The following NAGK variants were observed in gnomAD, a reference collection of about 807,000 sequenced individuals.
NAGK encodes N-acetylglucosamine kinase.
NAGK carries 35 observed loss-of-function variants against 42.9 expected under a neutral mutation model. The ratio of observed to expected loss-of-function variants is 0.82; its 90% confidence interval spans 0.62 to 1.08. The LOEUF is 1.08. Ranked by LOEUF, NAGK falls within the 50% of genes least tolerant of loss-of-function variation. The pLI is 0.00. For missense variants in NAGK, 446 were observed against 446.0 expected (o/e 1.00, Z 0.00); for synonymous variants, 172 against 176.0 (o/e 0.98, Z 0.18).
Position 71,079,195 on chromosome 2 carries a change from T to C in NAGK, c.*687T>C, listed in dbSNP as rs1227713162. On this transcript the variant is annotated 3_prime_UTR_variant, in exon 10 of 10. Transcript: ENST00000244204. ...CCTCGGTAGCTGACCTATTCCTGGC[T>C]ACTACTAGCCTGGCTCTGCTTACAG... 3 of 152,288 alleles carry C rather than the reference T, an allele frequency of 2.0e-5. No individual in the cohort carries two copies. The highest frequency in any genetic ancestry group is 7.2e-5 in the African/African-American group (3 of 41,460). The allele number at this position is 152,288 out of a possible 1,614,324, so 9.4% of individuals were successfully genotyped here.
At chr2:71,076,824 T>G (rs1035909212) in intron 8 of NAGK, 123 bp downstream of exon 8, 14 of 816,630 alleles carry the variant, frequency 1.7e-5, no homozygotes, top group Non-Finnish European at 2.7e-5. Flanking sequence ...GAACTTAGGG[T>G]CTAAGAAGCA....
chr2:71,073,468 T>C lies in NAGK; in HGVS notation c.467-14T>C. On this transcript the variant is annotated splice_polypyrimidine_tract_variant and intron_variant, in intron 5 of 9. Transcript: ENST00000244204. ...GACTGCTCCCATCTTCTTAGCCCTC[T>C]CTGCTCCCTGCAGCCTACTGGATCG... 6.3e-7 allele frequency: 1 copy of C among 1,595,058 alleles called. No homozygotes were observed. The highest frequency in any genetic ancestry group is 8.6e-7 in the Non-Finnish European group (1 of 1,162,634).
chr2:71,078,201 C>T, intron 9 of NAGK, 117 bp from the exon 10 acceptor site: 1 of 1,016,904 alleles, frequency 9.8e-7, no homozygotes, highest in African/African-American at 1.6e-5. Context: ...ATGTAGGCCC[C>T]TCCAGCATCT....
At chr2:71,075,781 T>C in intron 7 of NAGK, 139 bp downstream of exon 7, 1 of 800,624 alleles carries the variant, frequency 1.2e-6, no homozygotes, top group Admixed American at 2.1e-5. Flanking sequence ...CCACTGGCCT[T>C]GGTGGTGGTG....
chr2:71,073,271 T>C, intron 5 of NAGK: 1 of 587,872 alleles, frequency 1.7e-6, no homozygotes, highest in Non-Finnish European at 3.0e-6. Flanking sequence ...GTTTTCCCCC[T>C]CCAACTTTCC....
At chr2:71,073,731 A>C (rs990024481) in intron 6 of NAGK, 137 bp downstream of exon 6, 18 of 764,448 alleles carry the variant, frequency 2.4e-5, no homozygotes, top group Non-Finnish European at 3.7e-5. Context: ...TGCAGGGTGA[A>C]GTCATAGGTG....
At chr2:71,071,930 C>T in intron 4 of NAGK, 103 bp downstream of exon 4, 1 of 1,425,804 alleles carries the variant, frequency 7.0e-7, no homozygotes, top group African/African-American at 1.4e-5. Context: ...AGAAGGCAGC[C>T]ACTCTTATAT....
intron 9 of NAGK, among the ~76,000 whole-genome samples, chr2:71,078,027 G>T (rs1239597129): frequency 6.6e-6 from 1 of 152,238 alleles, no homozygotes; most frequent in Non-Finnish European, 1.5e-5. Flanking sequence ...ATGCCAGGCA[G>T]TTGGATGGTT....
At chr2:71,068,623 A>C, upstream of NAGK, 1 of 1,522,248 alleles carries the variant, frequency 6.6e-7, no homozygotes, top group Non-Finnish European at 8.8e-7. Flanking sequence ...AGCTGGAGGG[A>C]AGGAGGTGTC....
chr2:71,073,593 A>G lies in NAGK; in HGVS notation c.578A>G (p.Gln193Arg). ...YVKQAMFHYF[Q>R]VPDRLGILTH... ...AAACAGGCCATGTTCCACTATTTCC[A>G]GGTACTCCTCCTGCTCCCAGTAAAC... Residue 193 changes from glutamine to arginine, a missense_variant and splice_region_variant, in exon 6 of 10, where the codon CAG becomes CGG. Coordinates refer to ENST00000244204, the MANE Select transcript of NAGK (RefSeq NM_017567.6). The G allele has an allele frequency of 6.2e-7, 1 of 1,608,954 alleles. No individual in the cohort carries two copies. Among genetic ancestry groups the G allele is most frequent in the Non-Finnish European group, 8.5e-7 (1 of 1,175,262 alleles).
upstream of NAGK, chr2:71,068,521 C>A (rs1209116472): frequency 3.4e-6 from 5 of 1,453,298 alleles, no homozygotes; most frequent in South Asian, 1.4e-5. Flanking sequence ...CCATCCCCGG[C>A]TCCTACCGGC....
intron 1 of NAGK, chr2:71,069,140 C>G (rs1671902616): frequency 1.0e-6 from 1 of 991,478 alleles, no homozygotes; most frequent in African/African-American, 1.7e-5. Context: ...TGAGGTTATC[C>G]GGGAGCTGGA....
chr2:71,068,693 A>T lies in NAGK; in HGVS notation c.10A>T (p.Ile4Phe), dbSNP rs1307633199. Residue 4 changes from isoleucine to phenylalanine, a missense_variant, in exon 1 of 10, where the codon ATC becomes TTC. Physicochemically the swap from Ile to Phe is conservative, Grantham distance 21 (BLOSUM62 0). Transcript: ENST00000244204. Reference sequence around the variant, plus strand: ...CGACGGTAGCAGCAGCATGGCCGCGATCTATGGGGGTGTAGAGGGGTGAGT... The same window carrying T: ...CGACGGTAGCAGCAGCATGGCCGCGTTCTATGGGGGTGTAGAGGGGTGAGT... Reference protein sequence around the residue: MAAIYGGVEGGGTR... With the variant: MAAFYGGVEGGGTR... 1 of 1,517,500 alleles carries T rather than the reference A, an allele frequency of 6.6e-7. No individual in the cohort carries two copies. Among genetic ancestry groups the T allele is most frequent in the Admixed American group, 2.2e-5 (1 of 45,680 alleles). The allele number at this position is 1,517,500 out of a possible 1,614,324, so 94.0% of individuals were successfully genotyped here.
At chr2:71,072,504 G>A in intron 4 of NAGK, 137 bp from the exon 5 acceptor site, 1 of 658,160 alleles carries the variant, frequency 1.5e-6, no homozygotes, top group South Asian at 1.8e-5. Context: ...AACTAGCTGG[G>A]CTCAGTTTTC....
At chr2:71,073,077 G>T in intron 5 of NAGK, 1 of 456,876 alleles carries the variant, frequency 2.2e-6, no homozygotes, top group Non-Finnish European at 4.1e-6. Context: ...TGCCATACCA[G>T]TCTGCTAGGG....
intron 1 of NAGK, 75 bp from the exon 2 acceptor site, chr2:71,070,427 A>G (rs1254826804): frequency 2.3e-6 from 3 of 1,286,620 alleles, no homozygotes; most frequent in Admixed American, 1.9e-5. Flanking sequence ...GGGCTCTGCC[A>G]GTGTGGACAG....
rs1484124588 is a variant in NAGK, at chr2:71,079,203, G to A, written c.*695G>A. 6.6e-6 allele frequency: 1 copy of A among 152,264 alleles called. No homozygotes were observed. Among genetic ancestry groups the A allele is most frequent in the African/African-American group, 2.4e-5 (1 of 41,442 alleles). 9.4% of individuals were successfully genotyped at this position (152,264 alleles called of 1,614,324 possible). A position where few individuals can be genotyped will look rare whatever the true frequency, so the allele number is the denominator to read the frequency against. Reference sequence around the variant, plus strand: ...GCTGACCTATTCCTGGCTACTACTAGCCTGGCTCTGCTTACAGCGTGACAC... The same window carrying A: ...GCTGACCTATTCCTGGCTACTACTAACCTGGCTCTGCTTACAGCGTGACAC... On this transcript the variant is annotated 3_prime_UTR_variant, in exon 10 of 10. Transcript: ENST00000244204.
At chr2:71,071,591 G>C in intron 3 of NAGK, 95 bp from the exon 4 acceptor site, 1 of 1,466,508 alleles carries the variant, frequency 6.8e-7, no homozygotes, top group Admixed American at 2.1e-5. Flanking sequence ...TGGCCAGATG[G>C]GGAGAACAGG....
At position 71,075,580 on chromosome 2, in the gene NAGK, C is replaced by A. The variant is rs148054431; in HGVS notation, c.605C>A (p.Thr202Asn). Residue 202 changes from threonine (T) to asparagine (N), a missense_variant, in exon 7 of 10, where the codon ACT becomes AAT. Coordinates refer to ENST00000244204, the MANE Select transcript of NAGK (RefSeq NM_017567.6). ...FQVPDRLGIL[T>N]HLYRDFDKCR... ...GTGCCAGATCGGCTAGGGATACTCA[C>A]TCACCTGTATAGGGACTTTGATAAA... is the stretch of plus-strand genomic sequence containing the variant. 1.2e-6 allele frequency: 2 copies of A among 1,614,078 alleles called. No individual in the cohort carries two copies.
Sources: allele counts gnomAD v4.1 joint callset (sites outside exome capture counted in the v4.1 genomes callset), GRCh38; gene constraint gnomAD v4.1.1; transcripts MANE v1.5; gene names NCBI Gene and HGNC (gene_info 2026-07-23, HGNC 2026-07-21).